Variants in IL1RAPL2 observed in about 807,000 individuals in gnomAD.
IL1RAPL2 encodes interleukin 1 receptor accessory protein like 2, also known as X-linked interleukin-1 receptor accessory protein-like 2.
Under a neutral mutation model 44.1 loss-of-function variants are expected in IL1RAPL2, and 3 were observed. The ratio of observed to expected loss-of-function variants is 0.07; its 90% CI spans 0.03 to 0.18. IL1RAPL2 has a LOEUF of 0.18. IL1RAPL2 is among the 10% of genes least tolerant of loss of function. IL1RAPL2 has a pLI of 1.00. For missense variants in IL1RAPL2, 391 were observed against 496.4 expected (o/e 0.79, Z 2.02); for synonymous variants, 181 against 178.8 (o/e 1.01, Z -0.10).
intron 2 of IL1RAPL2, among the ~76,000 whole-genome samples, chrX:104,971,494 T>C (rs1569353704): frequency 9.0e-6 from 1 of 111,714 alleles, no homozygotes; most frequent in African/African-American, 3.3e-5. Flanking sequence ...TATAGATCTT[T>C]TGAATGTTAA....
At chrX:104,872,602 C>G (rs898312257) in intron 2 of IL1RAPL2, among the ~76,000 whole-genome samples, 5 of 111,696 alleles carry the variant, frequency 4.5e-5, no homozygotes, top group Non-Finnish European at 9.4e-5. Context: ...GAATAGCTAC[C>G]AGAAAACCTC....
intron 6 of IL1RAPL2, 21 bp downstream of exon 6, chrX:105,484,408 A>G: frequency 9.2e-7 from 1 of 1,082,677 alleles, no homozygotes; most frequent in African/African-American, 1.8e-5. Context: ...TCCTTGGAAT[A>G]ACACTTCCTA....
intron 6 of IL1RAPL2, among the ~76,000 whole-genome samples, chrX:105,609,331 A>G (rs183462543): frequency 0.017 from 557 of 32,016 alleles, 8 homozygotes; most frequent in African/African-American, 0.062. Flanking sequence ...GTCATACAAC[A>G]TTGTGAATGT....
chrX:104,670,020 T>C (rs776929185), intron 2 of IL1RAPL2, among the ~76,000 whole-genome samples: 62 of 111,602 alleles, frequency 5.6e-4, no homozygotes, highest in African/African-American at 2.0e-3. Context: ...TTAGTCAGAG[T>C]TTTCCAGAGG....
chrX:104,903,471 C>T (rs912578731), intron 2 of IL1RAPL2, among the ~76,000 whole-genome samples: 1 of 111,509 alleles, frequency 9.0e-6, no homozygotes, highest in Non-Finnish European at 1.9e-5. Flanking sequence ...AAAGAATAAA[C>T]TCTCTTGGGA....
intron 7 of IL1RAPL2, among the ~76,000 whole-genome samples, chrX:105,728,080 C>CCAT (rs1165612331): frequency 2.7e-5 from 3 of 111,372 alleles, no homozygotes; most frequent in African/African-American, 6.5e-5. Context: ...TAATGTTGTA[C>CCAT]CATCTATGGG....
intron 5 of IL1RAPL2, among the ~76,000 whole-genome samples, chrX:105,299,856 G>A (rs1385609502): frequency 8.9e-6 from 1 of 111,983 alleles, no homozygotes; most frequent in Non-Finnish European, 1.9e-5. Context: ...CTGTAGGAAT[G>A]ATTTCAGTTC....
rs1436489078 is a variant in IL1RAPL2, at chrX:104,721,647, A to T, written c.82+62652A>T. 4.5e-5 allele frequency among the ~76,000 whole-genome samples: 5 copies of T among 110,960 alleles called. No individual in the cohort carries two copies. The East Asian group carries it at 1.4e-3, about 32-fold the overall frequency. ...ATGACATACGTTTACTGATGTAACAAACCTGCACGTCCTGCACATGAAACC... is the reference window on the plus strand; with the variant it reads ...ATGACATACGTTTACTGATGTAACATACCTGCACGTCCTGCACATGAAACC... On this transcript the variant is annotated intron_variant, in intron 2 of 10. Transcript: ENST00000372582.
At chrX:105,202,334 TA>T (rs1556147041) in intron 3 of IL1RAPL2, among the ~76,000 whole-genome samples, 1 of 112,566 alleles carries the variant, frequency 8.9e-6, no homozygotes, top group Admixed American at 9.4e-5. Context: ...CTTTTTAGTT[TA>T]ATCCCTTGTA....
At chrX:105,660,784 A>T (rs907767196) in intron 6 of IL1RAPL2, among the ~76,000 whole-genome samples, 2 of 111,510 alleles carry the variant, frequency 1.8e-5, no homozygotes, top group Admixed American at 1.9e-4. Flanking sequence ...ACAGATATAT[A>T]AAAAATAAAA....
At chrX:105,729,907 AGGAAGGAAGGAAGGAGGGAGGGAGGGAG>A (rs2038389145) in intron 7 of IL1RAPL2, among the ~76,000 whole-genome samples, 2 of 73,561 alleles carry the variant, frequency 2.7e-5, no homozygotes, top group Non-Finnish European at 4.6e-5. Flanking sequence ...GAAGGAAGGA[AGGAAGGAAGGAAGGAGGGAGGGAGGGAG>A]GGAAGGAAGG....
intron 1 of IL1RAPL2, among the ~76,000 whole-genome samples, chrX:104,654,425 CAA>C (rs1006108464): frequency 9.1e-6 from 1 of 110,041 alleles, no homozygotes; most frequent in African/African-American, 3.3e-5. Flanking sequence ...AGGAGGAAGA[CAA>C]AGTGCAAACA....
chrX:105,474,640 A>G (rs1602428337), intron 5 of IL1RAPL2, among the ~76,000 whole-genome samples: 1 of 111,732 alleles, frequency 8.9e-6, no homozygotes, highest in Non-Finnish European at 1.9e-5. Flanking sequence ...TTAACTGATT[A>G]TAAGAATGAA....
intron 2 of IL1RAPL2, among the ~76,000 whole-genome samples, chrX:104,934,783 A>T (rs1924989056): frequency 8.9e-6 from 1 of 112,396 alleles, no homozygotes; most frequent in African/African-American, 3.2e-5. Flanking sequence ...AAAGTCATAG[A>T]TGCTACTGCA....
At chrX:104,710,709 G>T (rs954982925) in intron 2 of IL1RAPL2, among the ~76,000 whole-genome samples, 4 of 111,254 alleles carry the variant, frequency 3.6e-5, no homozygotes, top group Non-Finnish European at 7.6e-5. Flanking sequence ...CATATAGGAT[G>T]ATGGTCTCAT....
At chrX:105,685,996 C>A (rs1181637125) in intron 6 of IL1RAPL2, among the ~76,000 whole-genome samples, 1 of 111,361 alleles carries the variant, frequency 9.0e-6, no homozygotes, top group African/African-American at 3.3e-5. Context: ...TACAGACAAG[C>A]AAATGCTGAG....
chrX:104,853,793 C>T (rs1415005831), intron 2 of IL1RAPL2, among the ~76,000 whole-genome samples: 1 of 106,651 alleles, frequency 9.4e-6, no homozygotes, highest in African/African-American at 3.4e-5. Context: ...GTCCCAGCTA[C>T]TCGGGAGGCT....
intron 5 of IL1RAPL2, among the ~76,000 whole-genome samples, chrX:105,279,424 T>C (rs1041730436): frequency 1.1e-4 from 12 of 112,012 alleles, no homozygotes; most frequent in Non-Finnish European, 2.3e-4. Context: ...AATTATCTGC[T>C]GCACACATTA....
intron 4 of IL1RAPL2, among the ~76,000 whole-genome samples, chrX:105,237,580 T>C (rs2034132481): frequency 8.9e-6 from 1 of 112,308 alleles, no homozygotes; most frequent in African/African-American, 3.2e-5. Context: ...TTGATTTGCA[T>C]TTCTCTGATG....
Sources: allele counts gnomAD v4.1 joint callset (sites outside exome capture counted in the v4.1 genomes callset), GRCh38; gene constraint gnomAD v4.1.1; transcripts MANE v1.5; gene names NCBI Gene and HGNC (gene_info 2026-07-23, HGNC 2026-07-21).